Variants in RAD51B observed in about 807,000 individuals in gnomAD.
RAD51B encodes the protein RAD51 paralog B, also known as DNA repair protein RAD51 homolog 2.
Under a neutral mutation model 42.2 loss-of-function variants are expected in RAD51B, and 38 were observed. That is an observed-to-expected ratio of 0.90 (90% CI 0.70 to 1.18). The LOEUF is 1.18. Ranked by LOEUF, RAD51B falls within the 50% of genes most tolerant of loss-of-function variation. The pLI is 0.00. For synonymous variants in RAD51B, 154 were observed against 145.2 expected (o/e 1.06, Z -0.43); for missense variants, 373 against 400.7 (o/e 0.93, Z 0.59).
intron 7 of RAD51B, chr14:68,000,233 C>G (rs889675207): frequency 1.3e-5 from 2 of 152,088 alleles, no homozygotes; most frequent in Non-Finnish European, 2.9e-5. Flanking sequence ...CCGATCATTT[C>G]ATTAATATTA....
intron 11 of RAD51B, among the ~76,000 whole-genome samples, chr14:68,678,198 G>A (rs1186372427): frequency 1.4e-4 from 22 of 152,126 alleles, no homozygotes; most frequent in Admixed American, 1.4e-3. Flanking sequence ...CCACCACCTC[G>A]TTCAGTCCAT....
intron 7 of RAD51B, among the ~76,000 whole-genome samples, chr14:67,955,805 T>A (rs377608331): frequency 6.6e-6 from 1 of 152,236 alleles, no homozygotes; most frequent in Non-Finnish European, 1.5e-5. Flanking sequence ...TTTGTTAACA[T>A]GAATGTGTCA....
At chr14:68,171,597 G>A (rs1484312736) in intron 7 of RAD51B, among the ~76,000 whole-genome samples, 1 of 151,110 alleles carries the variant, frequency 6.6e-6, no homozygotes, top group East Asian at 2.0e-4. Context: ...ACCGCACCCA[G>A]CCTACAGTGT....
At chr14:67,832,583 C>T (rs1321677444) in intron 3 of RAD51B, among the ~76,000 whole-genome samples, 2 of 151,942 alleles carry the variant, frequency 1.3e-5, no homozygotes, top group East Asian at 3.9e-4. Context: ...GTTTTTTTAC[C>T]ATTTGCGAAA....
intron 9 of RAD51B, among the ~76,000 whole-genome samples, chr14:68,425,622 T>C (rs1053529804): frequency 3.0e-4 from 45 of 152,228 alleles, no homozygotes; most frequent in African/African-American, 1.1e-3. Flanking sequence ...TAAATTTCTG[T>C]TCATTGTAAA....
chr14:68,562,207 A>C, intron 10 of RAD51B: 1 of 985,390 alleles, frequency 1.0e-6, no homozygotes, highest in Non-Finnish European at 1.2e-6. Context: ...ACCCTGCCTC[A>C]CCAGACATTT....
chr14:68,435,355 A>C (rs2085119499), intron 9 of RAD51B, among the ~76,000 whole-genome samples: 1 of 152,036 alleles, frequency 6.6e-6, no homozygotes, highest in Non-Finnish European at 1.5e-5. Flanking sequence ...AAACGATATG[A>C]CTTCATTCTT....
intron 10 of RAD51B, among the ~76,000 whole-genome samples, chr14:68,508,483 G>A (rs1454365249): frequency 6.6e-6 from 1 of 152,182 alleles, no homozygotes; most frequent in Admixed American, 6.5e-5. Context: ...CCGTTGCAGA[G>A]TCAACATTCT....
At chr14:68,226,091 A>G (rs1233952138) in intron 7 of RAD51B, among the ~76,000 whole-genome samples, 1 of 152,198 alleles carries the variant, frequency 6.6e-6, no homozygotes, top group Non-Finnish European at 1.5e-5. Context: ...CAAGTACACC[A>G]ATCAAGTCAC....
At chr14:68,589,721 T>C (rs2140074791) in intron 10 of RAD51B, among the ~76,000 whole-genome samples, 1 of 152,358 alleles carries the variant, frequency 6.6e-6, no homozygotes, top group Middle Eastern at 3.4e-3. Context: ...ATGTTTCTGC[T>C]TAAGGAGCCC....
At chr14:68,481,578 T>G (rs1883184140), downstream of RAD51B, among the ~76,000 whole-genome samples, 1 of 152,192 alleles carries the variant, frequency 6.6e-6, no homozygotes, top group Non-Finnish European at 1.5e-5. Context: ...TGACACACAC[T>G]TTACATACAC....
chr14:68,673,875 T>C (rs1566969712), intron 11 of RAD51B, among the ~76,000 whole-genome samples: 1 of 75,672 alleles, frequency 1.3e-5, no homozygotes, highest in Non-Finnish European at 2.4e-5. Context: ...ACACATACTG[T>C]GCACACACAT....
chr14:68,213,461 A>G (rs796498655), intron 7 of RAD51B, among the ~76,000 whole-genome samples: 8 of 152,338 alleles, frequency 5.3e-5, no homozygotes, highest in African/African-American at 1.7e-4. Context: ...GTGAGTCAGA[A>G]TTTTACACAG....
chr14:68,233,575 C>T (rs1000815565), intron 7 of RAD51B, among the ~76,000 whole-genome samples: 5 of 152,208 alleles, frequency 3.3e-5, no homozygotes, highest in Admixed American at 1.3e-4. Flanking sequence ...GTAACTAAGG[C>T]ATCACCCCAG....
At chr14:68,258,437 T>A (rs1355965787) in intron 7 of RAD51B, among the ~76,000 whole-genome samples, 1 of 151,184 alleles carries the variant, frequency 6.6e-6, no homozygotes, top group Non-Finnish European at 1.5e-5. Flanking sequence ...ACACACTCTC[T>A]CTCTCTCACA....
intron 4 of RAD51B, among the ~76,000 whole-genome samples, chr14:67,853,285 A>G (rs1256276235): frequency 6.6e-6 from 1 of 152,212 alleles, no homozygotes; most frequent in African/African-American, 2.4e-5. Flanking sequence ...TCAACCTTGT[A>G]AGACCTTAAG....
chr14:68,667,489 G>A (rs1408949368), intron 11 of RAD51B, among the ~76,000 whole-genome samples: 1 of 152,204 alleles, frequency 6.6e-6, no homozygotes, highest in Non-Finnish European at 1.5e-5. Flanking sequence ...ATCTAGACAA[G>A]TATTTGACCA....
At chr14:68,380,411 T>C (rs2083456611) in intron 8 of RAD51B, among the ~76,000 whole-genome samples, 1 of 152,168 alleles carries the variant, frequency 6.6e-6, no homozygotes, top group African/African-American at 2.4e-5. Context: ...AAGCCAACAG[T>C]TGTGGTTAGT....
chr14:68,180,525 G>T (rs1033532396), intron 7 of RAD51B, among the ~76,000 whole-genome samples: 4 of 152,094 alleles, frequency 2.6e-5, no homozygotes, highest in African/African-American at 7.2e-5. Flanking sequence ...TTTCAGGCAC[G>T]ATAAGGTTAT....
Sources: allele counts gnomAD v4.1 joint callset (sites outside exome capture counted in the v4.1 genomes callset), GRCh38; gene constraint gnomAD v4.1.1; transcripts MANE v1.5; gene names NCBI Gene and HGNC (gene_info 2026-07-23, HGNC 2026-07-21).